Variants in CTNNBL1 observed in about 807,000 individuals in gnomAD.
CTNNBL1 encodes the protein catenin beta like 1.
CTNNBL1 carries 31 observed loss-of-function variants against 72.7 expected under a neutral mutation model. That is an observed-to-expected ratio of 0.43 (90% CI 0.32 to 0.58). The LOEUF is 0.58. Ranked by LOEUF, CTNNBL1 falls within the 20% of genes least tolerant of loss-of-function variation. CTNNBL1 has a pLI of 0.08. For synonymous variants in CTNNBL1, 240 were observed against 267.3 expected (o/e 0.90, Z 1.00); for missense variants, 534 against 725.1 (o/e 0.74, Z 3.03).
chr20:37,769,295 A>G (rs2073502003), intron 7 of CTNNBL1, among the ~76,000 whole-genome samples: 1 of 152,210 alleles, frequency 6.6e-6, no homozygotes, highest in African/African-American at 2.4e-5. Flanking sequence ...AAGGCTATGC[A>G]CCTTAACATT....
intron 1 of CTNNBL1, among the ~76,000 whole-genome samples, chr20:37,718,889 A>G (rs752493413): frequency 2.6e-5 from 4 of 152,336 alleles, no homozygotes; most frequent in Admixed American, 1.3e-4. Context: ...GACTGAGGAA[A>G]GGAGTCTTGA....
chr20:37,802,570 C>A (rs550050610), intron 10 of CTNNBL1, among the ~76,000 whole-genome samples: 14 of 152,134 alleles, frequency 9.2e-5, no homozygotes, highest in Admixed American at 2.0e-4. Flanking sequence ...AATCTCAACA[C>A]CCCGAAATAA....
At position 37,828,819 on chromosome 20, in the gene CTNNBL1, T is replaced by C. The variant is rs555370363; in HGVS notation, c.1214-11283T>C. Reference sequence around the variant, plus strand: ...GGTATCAATATTCAGCCGGAGTGGCTGAGCACACATGCGTGACTCTTCTTG... The same window carrying C: ...GGTATCAATATTCAGCCGGAGTGGCCGAGCACACATGCGTGACTCTTCTTG... On this transcript the variant is annotated intron_variant, in intron 11 of 15. Transcript: ENST00000361383. Among the ~76,000 whole-genome samples, 31 of 152,344 alleles carry C rather than the reference T, an allele frequency of 2.0e-4. No individual in the cohort carries two copies. In the South Asian group the frequency reaches 6.4e-3, roughly 32 times the overall value.
intron 1 of CTNNBL1, among the ~76,000 whole-genome samples, chr20:37,720,980 CAAGG>C (rs2073035710): frequency 6.6e-6 from 1 of 152,176 alleles, no homozygotes; most frequent in African/African-American, 2.4e-5. Flanking sequence ...GGAGGACTCT[CAAGG>C]GAGGTGACAT....
intron 1 of CTNNBL1, among the ~76,000 whole-genome samples, chr20:37,705,056 A>G (rs1351103148): frequency 6.6e-6 from 1 of 152,244 alleles, no homozygotes; most frequent in Non-Finnish European, 1.5e-5. Context: ...TGGATGGTTC[A>G]CAATAGCTTG....
At chr20:37,820,582 GCC>G (rs1330127227) in intron 11 of CTNNBL1, among the ~76,000 whole-genome samples, 1 of 152,120 alleles carries the variant, frequency 6.6e-6, no homozygotes, top group African/African-American at 2.4e-5. Flanking sequence ...GGATCTTGGG[GCC>G]AGTTTCCCCC....
chr20:37,779,741 T>C (rs1177498747), intron 10 of CTNNBL1, among the ~76,000 whole-genome samples: 3 of 152,192 alleles, frequency 2.0e-5, no homozygotes, highest in Non-Finnish European at 4.4e-5. Context: ...AAGCAGCGTA[T>C]CATTCATATT....
rs535863715 is a variant in CTNNBL1, at chr20:37,850,535, G to A, written c.1392+8116G>A. Among the ~76,000 whole-genome samples the A allele has an allele frequency of 9.6e-4, 16 of 16,742 alleles. No individual in the cohort carries two copies. The South Asian group carries it at 0.036, about 38-fold the overall frequency. The allele number at this position is 16,742 out of a possible 152,430, so 11.0% of individuals were successfully genotyped here. On this transcript the variant is annotated intron_variant, in intron 13 of 15. Transcript: ENST00000361383. Reference sequence around the variant, plus strand: ...TTGTTTGTGGGCAAAGCTGTGGCCTGAGAGCCTTGGATTCTTACCAAAACT... The same window carrying A: ...TTGTTTGTGGGCAAAGCTGTGGCCTAAGAGCCTTGGATTCTTACCAAAACT...
intron 1 of CTNNBL1, among the ~76,000 whole-genome samples, chr20:37,704,844 C>T (rs2072872211): frequency 6.6e-6 from 1 of 152,214 alleles, no homozygotes; most frequent in Non-Finnish European, 1.5e-5. Context: ...TCATAGACTT[C>T]AGTCCTACCT....
At chr20:37,728,949 A>G (rs1006837003) in intron 1 of CTNNBL1, among the ~76,000 whole-genome samples, 4 of 152,298 alleles carry the variant, frequency 2.6e-5, no homozygotes, top group East Asian at 1.9e-4. Flanking sequence ...TCTTGTCTCA[A>G]TCCACACTGG....
At chr20:37,756,242 G>A (rs1600467067) in intron 4 of CTNNBL1, 1 of 152,202 alleles carries the variant, frequency 6.6e-6, no homozygotes, top group East Asian at 1.9e-4. Context: ...GTCCTGTGGT[G>A]TATGGTTTTT....
chr20:37,717,973 A>G (rs1207592961), intron 1 of CTNNBL1, among the ~76,000 whole-genome samples: 2 of 152,222 alleles, frequency 1.3e-5, no homozygotes, highest in Non-Finnish European at 2.9e-5. Context: ...TTTTCTTAGT[A>G]CAGAACAAAA....
At chr20:37,699,831 T>C (rs1340884256) in intron 1 of CTNNBL1, among the ~76,000 whole-genome samples, 1 of 152,118 alleles carries the variant, frequency 6.6e-6, no homozygotes, top group Non-Finnish European at 1.5e-5. Flanking sequence ...CTTGAAAAAT[T>C]TTCCCCAGCT....
intron 10 of CTNNBL1, among the ~76,000 whole-genome samples, chr20:37,796,779 T>G (rs2073778433): frequency 6.6e-6 from 1 of 152,208 alleles, no homozygotes; most frequent in African/African-American, 2.4e-5. Context: ...CTACACCTTC[T>G]TTATTTCAGG....
chr20:37,786,571 T>G (rs1197112639), intron 10 of CTNNBL1, among the ~76,000 whole-genome samples: 2 of 152,210 alleles, frequency 1.3e-5, no homozygotes, highest in Non-Finnish European at 2.9e-5. Context: ...TATATGCATA[T>G]ATGTGTGATA....
chr20:37,712,318 C>G (rs1487567619), intron 1 of CTNNBL1, among the ~76,000 whole-genome samples: 1 of 152,186 alleles, frequency 6.6e-6, no homozygotes, highest in East Asian at 1.9e-4. Flanking sequence ...ATGCAGCTGA[C>G]CCTCAGCACC....
chr20:37,712,258 G>A (rs991283195), intron 1 of CTNNBL1, among the ~76,000 whole-genome samples: 3 of 152,188 alleles, frequency 2.0e-5, no homozygotes, highest in South Asian at 2.1e-4. Flanking sequence ...TTTGTTGAGC[G>A]CCCTGGCCTG....
At chr20:37,804,757 C>T (rs2071938153) in intron 11 of CTNNBL1, among the ~76,000 whole-genome samples, 1 of 152,222 alleles carries the variant, frequency 6.6e-6, no homozygotes, top group Non-Finnish European at 1.5e-5. Flanking sequence ...GCTCTGCGGT[C>T]ATGGCACTGA....
chr20:37,867,062 T>C (rs1373880035), intron 15 of CTNNBL1, among the ~76,000 whole-genome samples: 1 of 152,236 alleles, frequency 6.6e-6, no homozygotes, highest in African/African-American at 2.4e-5. Flanking sequence ...GGGTTTCATT[T>C]GAATGGCATC....
Sources: gnomAD v4.1 joint callset for allele counts (sites outside exome capture counted in the v4.1 genomes callset) on GRCh38, gnomAD v4.1.1 for gene constraint, MANE v1.5 for transcripts, NCBI Gene and HGNC (gene_info 2026-07-23, HGNC 2026-07-21) for gene names.